Variants in CDH4 observed in about 807,000 individuals in gnomAD.
CDH4 encodes the protein cadherin-4.
Under a neutral mutation model 86.0 loss-of-function variants are expected in CDH4, and 33 were observed. The ratio of observed to expected loss-of-function variants is 0.38; its 90% CI spans 0.29 to 0.51. The LOEUF (loss-of-function observed/expected upper bound fraction) is 0.51. Among genes scored for constraint, CDH4 ranks in the 20% least tolerant of loss-of-function variants. CDH4 has a pLI of 0.86. For missense variants in CDH4, 1,114 were observed against 1,307.4 expected, an observed-to-expected ratio of 0.85 and a Z score of 2.28; for synonymous variants, 555 against 549.4, an observed-to-expected ratio of 1.01 and a Z score of -0.14.
chr20:61,516,050 G>T lies in CDH4; in HGVS notation c.170-227513G>T, dbSNP rs1370692601. ...GGGCTCTGGAACGCCCCCCCAATACGATTCCACCGCAGGCAGGCAGCTCCC... is the reference window on the plus strand; with the variant it reads ...GGGCTCTGGAACGCCCCCCCAATACTATTCCACCGCAGGCAGGCAGCTCCC... On this transcript the variant is annotated intron_variant, in intron 2 of 15. Coordinates refer to ENST00000614565, the MANE Select transcript of CDH4 (RefSeq NM_001794.5). This position sits in a 1 kb window ranked among gnomAD's most constrained non-coding sequence, Gnocchi z 4.0. Among the ~76,000 whole-genome samples, 1 of 152,094 alleles carries T rather than the reference G, an allele frequency of 6.6e-6. No homozygotes were observed. Among genetic ancestry groups the T allele is most frequent in the African/African-American group, 2.4e-5 (1 of 41,414 alleles).
chr20:61,280,083 G>A (rs1321904834), intron 2 of CDH4, among the ~76,000 whole-genome samples: 1 of 152,108 alleles, frequency 6.6e-6, no homozygotes, highest in African/African-American at 2.4e-5. Flanking sequence ...GGTGGGACTG[G>A]GAACTCACCC....
chr20:61,761,711 C>T (rs539442771), intron 3 of CDH4, among the ~76,000 whole-genome samples: 10 of 152,286 alleles, frequency 6.6e-5, no homozygotes, highest in South Asian at 2.1e-4. Context: ...GGGGTGAGCG[C>T]GGATTTTGTT....
intron 8 of CDH4, among the ~76,000 whole-genome samples, chr20:61,899,371 G>A (rs1306725212): frequency 1.3e-5 from 2 of 151,938 alleles, no homozygotes; most frequent in African/African-American, 2.4e-5. Flanking sequence ...TGTTTTTACT[G>A]TATGTCTTTT....
intron 2 of CDH4, among the ~76,000 whole-genome samples, chr20:61,580,641 G>T (rs1010806819): frequency 0.018 from 344 of 19,554 alleles, 3 homozygotes; most frequent in Admixed American, 0.048. Flanking sequence ...TGACGCTCTA[G>T]GGGGGGAAAT....
intron 2 of CDH4, among the ~76,000 whole-genome samples, chr20:61,432,871 C>G (rs914894247): frequency 2.3e-5 from 3 of 130,936 alleles, no homozygotes; most frequent in Non-Finnish European, 4.7e-5. Flanking sequence ...CAGAGTCTTG[C>G]TCTGTTGCCC....
intron 2 of CDH4, among the ~76,000 whole-genome samples, chr20:61,529,372 A>G (rs1483534015): frequency 6.6e-6 from 1 of 152,268 alleles, no homozygotes; most frequent in African/African-American, 2.4e-5. Context: ...GTTTTATTAC[A>G]GTCTCATTAT....
intron 6 of CDH4, among the ~76,000 whole-genome samples, chr20:61,871,445 T>C: frequency 6.6e-6 from 1 of 152,238 alleles, no homozygotes; most frequent in East Asian, 1.9e-4. Flanking sequence ...TTCTTTTTGC[T>C]GCTAAGTAGG....
chr20:61,889,807 TGATG>T (rs1168550926), intron 7 of CDH4, among the ~76,000 whole-genome samples: 2 of 147,356 alleles, frequency 1.4e-5, no homozygotes, highest in African/African-American at 2.5e-5. Flanking sequence ...GGATGGTGGA[TGATG>T]GATGGGTGGA....
At chr20:61,841,549 C>T (rs528199016) in intron 4 of CDH4, among the ~76,000 whole-genome samples, 1 of 152,282 alleles carries the variant, frequency 6.6e-6, no homozygotes, top group African/African-American at 2.4e-5. Context: ...GATTAAGGCT[C>T]CGTTGGAGGC....
chr20:61,840,862 G>T (rs905280368), intron 4 of CDH4, among the ~76,000 whole-genome samples: 4 of 152,246 alleles, frequency 2.6e-5, no homozygotes, highest in African/African-American at 9.6e-5. Context: ...GCAGCCACCC[G>T]CTGCCCGCCA....
chr20:61,827,003 GTGTGTGTA>G (rs1327423643), intron 4 of CDH4, among the ~76,000 whole-genome samples: 1 of 120,926 alleles, frequency 8.3e-6, no homozygotes, highest in Non-Finnish European at 2.0e-5. Context: ...GTGTGTGTGT[GTGTGTGTA>G]TGTGTTTCCT....
intron 4 of CDH4, among the ~76,000 whole-genome samples, chr20:61,808,885 G>T (rs371636850): frequency 1.1e-4 from 16 of 151,912 alleles, no homozygotes; most frequent in African/African-American, 3.9e-4. Flanking sequence ...GTTGATTTTC[G>T]AGGACATCTT....
intron 2 of CDH4, among the ~76,000 whole-genome samples, chr20:61,704,712 C>T (rs1049352706): frequency 6.6e-6 from 1 of 152,170 alleles, no homozygotes; most frequent in African/African-American, 2.4e-5. Flanking sequence ...CTAATCTCTA[C>T]GGTGTCAGCC....
At chr20:61,654,852 G>A (rs969952953) in intron 2 of CDH4, among the ~76,000 whole-genome samples, 1 of 152,234 alleles carries the variant, frequency 6.6e-6, no homozygotes, top group Non-Finnish European at 1.5e-5. Context: ...CCGGGAAGGG[G>A]CTGTGCAGGG....
chr20:61,307,930 A>G (rs1317589469), intron 2 of CDH4, among the ~76,000 whole-genome samples: 1 of 152,212 alleles, frequency 6.6e-6, no homozygotes, highest in African/African-American at 2.4e-5. Context: ...TACTCTTCAC[A>G]GATATCTGGG....
intron 2 of CDH4, among the ~76,000 whole-genome samples, chr20:61,503,965 GC>G (rs2085722383): frequency 6.6e-6 from 1 of 152,162 alleles, no homozygotes; most frequent in Non-Finnish European, 1.5e-5. Context: ...GGCCAAGGAG[GC>G]CTTTGCTTAT....
intron 2 of CDH4, among the ~76,000 whole-genome samples, chr20:61,546,529 T>G (rs1386880446): frequency 6.6e-6 from 1 of 151,752 alleles, no homozygotes; most frequent in Non-Finnish European, 1.5e-5. Flanking sequence ...TTAACTCAAC[T>G]CCTCTGAAGT....
At chr20:61,930,525 G>A (rs1485515011) in intron 13 of CDH4, among the ~76,000 whole-genome samples, 3 of 152,060 alleles carry the variant, frequency 2.0e-5, no homozygotes, top group African/African-American at 7.2e-5. Flanking sequence ...GGAAGGGTTG[G>A]GCTACCACCT....
At chr20:61,519,113 G>A (rs538960465) in intron 2 of CDH4, among the ~76,000 whole-genome samples, 1 of 152,330 alleles carries the variant, frequency 6.6e-6, no homozygotes, top group South Asian at 2.1e-4. Flanking sequence ...TAGAAGCCAG[G>A]TGCTTTAATG....
Sources: gnomAD v4.1 joint callset for allele counts (sites outside exome capture counted in the v4.1 genomes callset) on GRCh38, gnomAD v4.1.1 for gene constraint, Gnocchi (gnomAD v3.1) non-coding constraint, MANE v1.5 for transcripts, NCBI Gene and HGNC (gene_info 2026-07-23, HGNC 2026-07-21) for gene names.